Variants in ZNF100 observed in about 807,000 individuals in gnomAD.
ZNF100 encodes the protein zinc finger protein 100 (Y1).
Under a neutral mutation model 15.8 loss-of-function variants are expected in ZNF100, and 12 were observed. That is an observed-to-expected ratio of 0.76 (90% CI 0.49 to 1.23). ZNF100 has a LOEUF of 1.23. ZNF100 is among the 50% of genes most tolerant of loss of function. The pLI, the probability that ZNF100 is intolerant of heterozygous loss-of-function variation, is 0.00. For synonymous variants in ZNF100, 226 were observed against 214.8 expected (o/e 1.05, Z -0.45); for missense variants, 670 against 635.6 (o/e 1.05, Z -0.58).
At chr19:21,737,818 A>G (rs1374616028) in intron 4 of ZNF100, among the ~76,000 whole-genome samples, 1 of 152,186 alleles carries the variant, frequency 6.6e-6, no homozygotes, top group Non-Finnish European at 1.5e-5. Context: ...AGCTGGCACC[A>G]TTTCTTCTGA....
chr19:21,760,201 T>G (rs1458182077), intron 2 of ZNF100, among the ~76,000 whole-genome samples: 1 of 134,166 alleles, frequency 7.5e-6, no homozygotes, highest in Non-Finnish European at 1.6e-5. Context: ...AAAAAGGAAA[T>G]TGCTATTATT....
intron 2 of ZNF100, among the ~76,000 whole-genome samples, chr19:21,765,105 T>C (rs1263492525): frequency 6.6e-6 from 1 of 152,202 alleles, no homozygotes; most frequent in Admixed American, 6.5e-5. Context: ...ATGAAATACA[T>C]GATCAGACAT....
At chr19:21,740,480 C>T (rs1285098323) in intron 4 of ZNF100, among the ~76,000 whole-genome samples, 1 of 149,106 alleles carries the variant, frequency 6.7e-6, no homozygotes, top group Non-Finnish European at 1.5e-5. Flanking sequence ...AATTTATCCA[C>T]ATTAGAAAAA....
In ZNF100 at chr19:21,725,851, T is replaced by C. The variant is rs750719223; in HGVS notation, c.*832A>G. 10 of 150,308 alleles carry C rather than the reference T, an allele frequency of 6.7e-5. No individual in the cohort carries two copies. Among genetic ancestry groups the C allele is most frequent in the Non-Finnish European group, 1.3e-4 (9 of 67,872 alleles). 9.3% of individuals were successfully genotyped at this position (150,308 alleles called of 1,614,324 possible). On this transcript the variant is annotated 3_prime_UTR_variant, in exon 5 of 5. Coordinates refer to ENST00000358296, the MANE Select transcript of ZNF100 (RefSeq NM_173531.4). ...ATCAGTGCCTTACATATTTCTACTGTAAATTCTCTGATATTTACAGACTTA... is the reference window on the plus strand; with the variant it reads ...ATCAGTGCCTTACATATTTCTACTGCAAATTCTCTGATATTTACAGACTTA...
intron 1 of ZNF100, among the ~76,000 whole-genome samples, chr19:21,766,769 G>A (rs1395633389): frequency 1.3e-5 from 2 of 152,000 alleles, no homozygotes; most frequent in Non-Finnish European, 2.9e-5. Flanking sequence ...CAAGGCGGGC[G>A]GATCACGAGG....
At chr19:21,757,291 A>T (rs1250098554) in intron 2 of ZNF100, among the ~76,000 whole-genome samples, 1 of 152,246 alleles carries the variant, frequency 6.6e-6, no homozygotes, top group Non-Finnish European at 1.5e-5. Flanking sequence ...TACAAGAATT[A>T]TCAGGGCATG....
chr19:21,725,852 A>G lies in ZNF100; in HGVS notation c.*831T>C, dbSNP rs2035771582. On this transcript the variant is annotated 3_prime_UTR_variant, in exon 5 of 5. Transcript: ENST00000358296. ...TCAGTGCCTTACATATTTCTACTGT[A>G]AATTCTCTGATATTTACAGACTTAA... The G allele has an allele frequency of 1.3e-5, 2 of 150,084 alleles. No individual in the cohort carries two copies. The highest frequency in any genetic ancestry group is 3.4e-3 in the Middle Eastern group (1 of 292). 9.3% of individuals were successfully genotyped at this position (150,084 alleles called of 1,614,324 possible).
At chr19:21,762,518 T>C (rs954804519) in intron 2 of ZNF100, among the ~76,000 whole-genome samples, 1 of 152,170 alleles carries the variant, frequency 6.6e-6, no homozygotes, top group Non-Finnish European at 1.5e-5. Context: ...TCACCTATTG[T>C]TGGAACTGGG....
Position 21,725,343 on chromosome 19 carries a change from TA to T in ZNF100, c.*1339del, listed in dbSNP as rs1270020377. ...TTTAAAAAATATACTGCATTTTATA[TA>T]AAAGTATTAGTAAAATATACTAATT... On this transcript the variant is annotated 3_prime_UTR_variant, in exon 5 of 5. Coordinates refer to ENST00000358296, the MANE Select transcript of ZNF100 (RefSeq NM_173531.4). 1.3e-5 allele frequency: 2 copies of T among 152,106 alleles called. No individual in the cohort carries two copies. The highest frequency in any genetic ancestry group is 4.8e-5 in the African/African-American group (2 of 41,444). The allele number at this position is 152,106 out of a possible 1,614,324, so 9.4% of individuals were successfully genotyped here.
Position 21,725,649 on chromosome 19 carries a change from G to C in ZNF100, c.*1034C>G, listed in dbSNP as rs1336345679. On this transcript the variant is annotated 3_prime_UTR_variant, in exon 5 of 5. Coordinates refer to ENST00000358296, the MANE Select transcript of ZNF100 (RefSeq NM_173531.4). ...AAAGGCAGGAAATAATTTAAGAGTTGAATTACATTATTACTCACTTTTCAA... is the reference window on the plus strand; with the variant it reads ...AAAGGCAGGAAATAATTTAAGAGTTCAATTACATTATTACTCACTTTTCAA... The C allele has an allele frequency of 6.6e-6, 1 of 151,992 alleles. No individual in the cohort carries two copies. The highest frequency in any genetic ancestry group is 1.5e-5 in the Non-Finnish European group (1 of 67,958). The allele number at this position is 151,992 out of a possible 1,614,324, so 9.4% of individuals were successfully genotyped here.
intron 2 of ZNF100, among the ~76,000 whole-genome samples, chr19:21,745,412 G>C (rs936391210): frequency 2.0e-5 from 3 of 152,038 alleles, no homozygotes; most frequent in African/African-American, 7.2e-5. Context: ...GAGATGTTGA[G>C]TTAGAAGGCA....
At chr19:21,733,757 G>A (rs1275129040) in intron 4 of ZNF100, among the ~76,000 whole-genome samples, 1 of 152,126 alleles carries the variant, frequency 6.6e-6, no homozygotes, top group African/African-American at 2.4e-5. Flanking sequence ...CTGACTGAGT[G>A]AGGACCACCC....
intron 2 of ZNF100, among the ~76,000 whole-genome samples, chr19:21,759,529 A>C (rs1236724354): frequency 6.6e-6 from 1 of 152,198 alleles, no homozygotes; most frequent in African/African-American, 2.4e-5. Context: ...GGCTGCAACC[A>C]CTGGGCTACA....
chr19:21,732,283 T>C (rs1346657410), intron 4 of ZNF100, among the ~76,000 whole-genome samples: 1 of 152,216 alleles, frequency 6.6e-6, no homozygotes, highest in African/African-American at 2.4e-5. Context: ...AAAGTGTTTC[T>C]CCCACATAGA....
In ZNF100 at chr19:21,727,822, T is replaced by C; in HGVS notation, c.490A>G (p.Lys164Glu). The C allele has an allele frequency of 1.9e-6, 3 of 1,613,398 alleles. No individual in the cohort carries two copies. Among genetic ancestry groups the C allele is most frequent in the Non-Finnish European group, 2.5e-6 (3 of 1,179,738 alleles). Residue 164 changes from lysine (K) to glutamate (E), a missense_variant, in exon 5 of 5, where the codon AAA (lysine) becomes GAA (glutamate). Coordinates refer to ENST00000358296, the MANE Select transcript of ZNF100 (RefSeq NM_173531.4). ...ECKVHKEHDNKLNQCLITTQS... is the reference protein window; with the variant it reads ...ECKVHKEHDNELNQCLITTQS... ...GTAGTTATCAAACACTGGTTTAATT[T>C]GTTATCATGTTCTTTGTGCACTTTA...
In ZNF100 at chr19:21,744,131, A is replaced by G; in HGVS notation, c.224-16T>C. 1 of 1,579,952 alleles carries G rather than the reference A, an allele frequency of 6.3e-7. No individual in the cohort carries two copies. Among genetic ancestry groups the G allele is most frequent in the African/African-American group, 1.4e-5 (1 of 73,778 alleles). ...GCAATACCTGCTTTATTAGAAATAA[A>G]TAACATGAATCTTTCTCATATTCTC... On this transcript the variant is annotated splice_polypyrimidine_tract_variant and intron_variant, in intron 3 of 4. Transcript: ENST00000358296.
intron 1 of ZNF100, 53 bp downstream of exon 1, chr19:21,767,374 G>A: frequency 6.2e-7 from 1 of 1,610,020 alleles, no homozygotes; most frequent in Non-Finnish European, 8.5e-7. Flanking sequence ...CTTCCCACCA[G>A]TTCCAACCAG....
intron 4 of ZNF100, among the ~76,000 whole-genome samples, chr19:21,736,959 C>T (rs1419435079): frequency 6.6e-6 from 1 of 152,012 alleles, no homozygotes; most frequent in Non-Finnish European, 1.5e-5. Context: ...CTCAAATTGA[C>T]TTCCTAACAT....
Position 21,727,491 on chromosome 19 carries a change from G to A in ZNF100, c.821C>T (p.Ser274Leu), listed in dbSNP as rs763213261. 1.2e-5 allele frequency: 19 copies of A among 1,613,564 alleles called. No individual in the cohort carries two copies. Among genetic ancestry groups the A allele is most frequent in the Admixed American group, 1.7e-5 (1 of 60,000 alleles). ...EECGKAFNRS[S>L]HLTTHKIIHT... ...AATTATCTTATGTGTAGTAAGGTGTGAGGACCGGTTAAATGCTTTCCCACA... is the reference window on the plus strand; with the variant it reads ...AATTATCTTATGTGTAGTAAGGTGTAAGGACCGGTTAAATGCTTTCCCACA... The change falls in exon 5 of 5, where the codon TCA becomes TTA. Residue 274 changes from serine (S) to leucine (L), a missense_variant. By Grantham distance (145) the Ser-to-Leu change is moderately radical (BLOSUM62 -2). Coordinates refer to ENST00000358296, the MANE Select transcript of ZNF100 (RefSeq NM_173531.4).
Sources: gnomAD v4.1 joint callset for allele counts (sites outside exome capture counted in the v4.1 genomes callset) on GRCh38, gnomAD v4.1.1 for gene constraint, MANE v1.5 for transcripts, NCBI Gene and HGNC (gene_info 2026-07-23, HGNC 2026-07-21) for gene names.